The following SLC4A10 variants were observed in gnomAD, a reference collection of about 807,000 sequenced individuals.
The protein encoded by SLC4A10 is sodium-driven chloride bicarbonate exchanger.
In SLC4A10, 42 loss-of-function variants were observed where a neutral mutation model predicts 137.7. The observed-to-expected ratio is 0.30, with a 90% CI of 0.24 to 0.39. The LOEUF is 0.39. Ranked by LOEUF, SLC4A10 falls within the 10% of genes least tolerant of loss-of-function variation. SLC4A10 has a pLI of 1.00. For synonymous variants in SLC4A10, 474 were observed against 464.1 expected, an observed-to-expected ratio of 1.02 and a Z score of -0.27; for missense variants, 925 against 1,355.0, an observed-to-expected ratio of 0.68 and a Z score of 4.98.
intron 3 of SLC4A10, among the ~76,000 whole-genome samples, chr2:161,829,017 C>T (rs553422420): frequency 6.6e-6 from 1 of 151,300 alleles, no homozygotes; most frequent in African/African-American, 2.4e-5. Flanking sequence ...TTAATTTTGT[C>T]TCAGTAATCC....
rs556899761 is a variant in SLC4A10 at position 161,907,055 on chromosome 2, CAAAAAAAAAAAAAA to C, written c.1997+1181_1997+1194del. 1.0e-3 allele frequency among the ~76,000 whole-genome samples: 95 copies of C among 90,928 alleles called. 2 individuals are homozygous for C. The highest frequency in any genetic ancestry group is 2.5e-3 in the African/African-American group (63 of 25,372). The allele number at this position is 90,928 out of a possible 152,430, so 59.7% of individuals were successfully genotyped here. On this transcript the variant is annotated intron_variant, in intron 15 of 26. Transcript: ENST00000446997. ...TGGGCGACAGAGCGAGACTCCGTCT[CAAAAAAAAAAAAAA>C]AAAAAAAAAAAAGAATCACGAAATG...
At chr2:161,712,939 C>T (rs1388319850) in intron 1 of SLC4A10, among the ~76,000 whole-genome samples, 1 of 151,952 alleles carries the variant, frequency 6.6e-6, no homozygotes, top group South Asian at 2.1e-4. Flanking sequence ...ATATAAAAGT[C>T]TGTAGGTCTC....
intron 1 of SLC4A10, among the ~76,000 whole-genome samples, chr2:161,693,530 A>AT (rs1022047148): frequency 3.3e-5 from 5 of 151,812 alleles, no homozygotes; most frequent in Admixed American, 6.6e-5. Context: ...TCTGGCTTTT[A>AT]TTTTTTTCAG....
chr2:161,947,493 A>T, intron 16 of SLC4A10, 73 bp from the exon 17 acceptor site: 1 of 1,457,650 alleles, frequency 6.9e-7, no homozygotes, highest in South Asian at 1.3e-5. Flanking sequence ...ATTGATCAGA[A>T]GGTGTTAGTT....
At chr2:161,847,352 C>G (rs892508841) in intron 4 of SLC4A10, among the ~76,000 whole-genome samples, 1 of 150,692 alleles carries the variant, frequency 6.6e-6, no homozygotes, top group Non-Finnish European at 1.5e-5. Context: ...TTTTTTCTTT[C>G]CAACTTTTAT....
At position 161,900,854 on chromosome 2, in the gene SLC4A10, C is replaced by T. The variant is rs1156568892; in HGVS notation, c.1342-57C>T. 5 of 1,200,970 alleles carry T rather than the reference C, an allele frequency of 4.2e-6. No homozygotes were observed. In the East Asian group the frequency reaches 1.3e-4, roughly 31 times the overall value. The allele number at this position is 1,200,970 out of a possible 1,614,324, so 74.4% of individuals were successfully genotyped here. ...AAAAATGAACTGTTATTATTATTTA[C>T]AATTAACACCTGAAATTAAAACAAA... On this transcript the variant is annotated intron_variant, in intron 11 of 26. Transcript: ENST00000446997.
intron 14 of SLC4A10, 125 bp downstream of exon 14, chr2:161,905,034 AT>A (rs1436898258): frequency 1.1e-6 from 1 of 951,356 alleles, no homozygotes; most frequent in East Asian, 2.7e-5. Flanking sequence ...GTTTCAGTTT[AT>A]CATTTTTGCT....
chr2:161,835,198 C>T (rs1337078465), intron 3 of SLC4A10, among the ~76,000 whole-genome samples: 1 of 151,952 alleles, frequency 6.6e-6, no homozygotes, highest in Non-Finnish European at 1.5e-5. Flanking sequence ...CCACCATGCC[C>T]AGCTAATTTT....
intron 2 of SLC4A10, among the ~76,000 whole-genome samples, chr2:161,795,997 T>C (rs2054734674): frequency 6.6e-6 from 1 of 152,162 alleles, no homozygotes; most frequent in African/African-American, 2.4e-5. Flanking sequence ...CCTATCAACA[T>C]TGATCACAAT....
chr2:161,911,124 A>G (rs1431642803), intron 15 of SLC4A10, among the ~76,000 whole-genome samples: 2 of 151,998 alleles, frequency 1.3e-5, no homozygotes, highest in African/African-American at 4.8e-5. Context: ...TACTTAATGT[A>G]TACTGATTAA....
chr2:161,691,115 G>C (rs758588103), intron 1 of SLC4A10, among the ~76,000 whole-genome samples: 2 of 152,002 alleles, frequency 1.3e-5, no homozygotes, highest in Non-Finnish European at 2.9e-5. Flanking sequence ...CAAATATGAT[G>C]CAGTGAGATA....
At chr2:161,895,106 T>G (rs1469217903) in intron 11 of SLC4A10, among the ~76,000 whole-genome samples, 2 of 135,530 alleles carry the variant, frequency 1.5e-5, no homozygotes, top group Non-Finnish European at 3.1e-5. Context: ...ATGTTCCCCT[T>G]CCTGTGTCCA....
Position 161,873,485 on chromosome 2 carries a change from C to T in SLC4A10, c.859-431C>T, listed in dbSNP as rs990265473. ...GGCAGAGATTGCAGTGAGCTGAGGTCGTGTCACTGCACTCCAGCCTGGGTG... is the reference window on the plus strand; with the variant it reads ...GGCAGAGATTGCAGTGAGCTGAGGTTGTGTCACTGCACTCCAGCCTGGGTG... On this transcript the variant is annotated intron_variant, in intron 7 of 26. Transcript: ENST00000446997. Among the ~76,000 whole-genome samples the T allele has an allele frequency of 2.4e-4, 30 of 123,126 alleles. 1 individual carries two copies. The Admixed American group carries it at 2.7e-3, about 11-fold the overall frequency. 80.8% of individuals were successfully genotyped at this position (123,126 alleles called of 152,430 possible). A position where few individuals can be genotyped will look rare whatever the true frequency, so the allele number is the denominator to read the frequency against.
chr2:161,950,909 A>G (rs1694686602), intron 19 of SLC4A10, 61 bp downstream of exon 19: 2 of 1,344,306 alleles, frequency 1.5e-6, no homozygotes, highest in Non-Finnish European at 2.0e-6. Flanking sequence ...ACTGATGTTC[A>G]TTTGACTTCT....
At chr2:161,638,475 T>C (rs768973613) in intron 1 of SLC4A10, among the ~76,000 whole-genome samples, 3 of 152,174 alleles carry the variant, frequency 2.0e-5, no homozygotes, top group Non-Finnish European at 2.9e-5. Context: ...TTCTGTTTCA[T>C]TGATTTATGA....
At chr2:161,931,032 A>G (rs1484108201) in intron 15 of SLC4A10, among the ~76,000 whole-genome samples, 1 of 152,060 alleles carries the variant, frequency 6.6e-6, no homozygotes, top group African/African-American at 2.4e-5. Context: ...CCCAGTTCAA[A>G]CAATTCTCCT....
At chr2:161,733,208 TG>T (rs1316243872) in intron 1 of SLC4A10, among the ~76,000 whole-genome samples, 2 of 152,150 alleles carry the variant, frequency 1.3e-5, no homozygotes, top group Admixed American at 1.3e-4. Context: ...GAGGTCTTTA[TG>T]GTAGCCACTC....
At chr2:161,724,264 G>C (rs1443243281) in intron 1 of SLC4A10, among the ~76,000 whole-genome samples, 1 of 152,122 alleles carries the variant, frequency 6.6e-6, no homozygotes, top group East Asian at 1.9e-4. Context: ...AGAATCAGGG[G>C]TTTGCCTACT....
intron 3 of SLC4A10, among the ~76,000 whole-genome samples, chr2:161,839,480 AAT>A (rs1553578856): frequency 6.6e-6 from 1 of 152,146 alleles, no homozygotes. Flanking sequence ...GAGAAATAGA[AAT>A]AGTCTCCATG....
Sources: allele counts gnomAD v4.1 joint callset (sites outside exome capture counted in the v4.1 genomes callset), GRCh38; gene constraint gnomAD v4.1.1; transcripts MANE v1.5; gene names NCBI Gene and HGNC (gene_info 2026-07-23, HGNC 2026-07-21).